Variants in AUTS2 observed in about 807,000 individuals in gnomAD.
AUTS2 encodes the protein activator of transcription and developmental regulator AUTS2, also known as autism susceptibility gene 2 protein.
In AUTS2, 17 loss-of-function variants were observed where a neutral mutation model predicts 112.4. That is an observed-to-expected ratio of 0.15 (90% confidence interval 0.10 to 0.23). The LOEUF is 0.23. Among genes scored for constraint, AUTS2 ranks in the 10% least tolerant of loss-of-function variants. The pLI is 1.00. For missense variants in AUTS2, 1,510 were observed against 1,701.6 expected, an observed-to-expected ratio of 0.89 and a Z score of 1.98; for synonymous variants, 751 against 702.7, an observed-to-expected ratio of 1.07 and a Z score of -1.09.
At chr7:69,652,752 T>C (rs1162757047) in intron 1 of AUTS2, among the ~76,000 whole-genome samples, 1 of 152,194 alleles carries the variant, frequency 6.6e-6, no homozygotes, top group Non-Finnish European at 1.5e-5. Flanking sequence ...ATTTAGACCA[T>C]GTAGGTCTGA....
chr7:70,243,271 G>GTGTGTGTA (rs1372929054), intron 4 of AUTS2, among the ~76,000 whole-genome samples: 1 of 145,376 alleles, frequency 6.9e-6, no homozygotes, highest in Non-Finnish European at 1.5e-5. Flanking sequence ...GTGTGTGTGT[G>GTGTGTGTA]TGTGTGTGTA....
At chr7:69,879,323 T>C (rs1793939440) in intron 1 of AUTS2, among the ~76,000 whole-genome samples, 1 of 150,998 alleles carries the variant, frequency 6.6e-6, no homozygotes, top group African/African-American at 2.5e-5. Context: ...TTTTTTTCTT[T>C]TTTTTTTGTA....
At chr7:70,005,965 A>G (rs1488933811) in intron 2 of AUTS2, among the ~76,000 whole-genome samples, 1 of 152,188 alleles carries the variant, frequency 6.6e-6, no homozygotes, top group Non-Finnish European at 1.5e-5. Flanking sequence ...TATATTGTGT[A>G]TAATGTTACC....
intron 2 of AUTS2, among the ~76,000 whole-genome samples, chr7:69,996,578 A>C (rs1278805462): frequency 6.6e-6 from 1 of 152,058 alleles, no homozygotes; most frequent in Non-Finnish European, 1.5e-5. Context: ...CCCACTGCCC[A>C]CTGCCAGTAT....
intron 2 of AUTS2, among the ~76,000 whole-genome samples, chr7:70,063,261 GTT>G (rs762616016): frequency 7.2e-6 from 1 of 138,480 alleles, no homozygotes. Context: ...TTTGGGTTTT[GTT>G]TTTTTTTTTT....
chr7:69,694,867 G>A (rs1163062862), intron 1 of AUTS2, among the ~76,000 whole-genome samples: 3 of 152,230 alleles, frequency 2.0e-5, no homozygotes, highest in Non-Finnish European at 2.9e-5. Flanking sequence ...TTTGCAAAAC[G>A]CCAAACGTCT....
At chr7:70,072,392 C>A (rs1802816401) in intron 2 of AUTS2, among the ~76,000 whole-genome samples, 1 of 152,080 alleles carries the variant, frequency 6.6e-6, no homozygotes, top group African/African-American at 2.4e-5. Flanking sequence ...ATGTGTAGGC[C>A]ATTCACAGCT....
At chr7:69,672,864 G>A (rs998268759) in intron 1 of AUTS2, among the ~76,000 whole-genome samples, 2 of 152,200 alleles carry the variant, frequency 1.3e-5, no homozygotes, top group African/African-American at 4.8e-5. Context: ...GTTCTTTGCT[G>A]GAGAGGGCAG....
intron 2 of AUTS2, among the ~76,000 whole-genome samples, chr7:69,967,128 A>G (rs551319196): frequency 6.6e-6 from 1 of 152,290 alleles, no homozygotes; most frequent in African/African-American, 2.4e-5. Context: ...GCGTGGAGAA[A>G]GGTCACCTCC....
chr7:70,453,498 T>C (rs1796613609), intron 5 of AUTS2, among the ~76,000 whole-genome samples: 1 of 152,218 alleles, frequency 6.6e-6, no homozygotes, highest in Non-Finnish European at 1.5e-5. Flanking sequence ...TAATGAATTA[T>C]CACAAACTTG....
At chr7:69,833,726 C>T (rs890877105) in intron 1 of AUTS2, among the ~76,000 whole-genome samples, 1 of 152,128 alleles carries the variant, frequency 6.6e-6, no homozygotes, top group African/African-American at 2.4e-5. Context: ...TAAGCCACTG[C>T]GCCCGGCAAT....
Position 70,491,437 on chromosome 7 carries a change from C to T in AUTS2, c.690+55656C>T, listed in dbSNP as rs116900433. ...GTGTGTATACACACACACACACACA[C>T]ATATATACACATAATATATATGTTA... On this transcript the variant is annotated intron_variant, in intron 5 of 18. Coordinates refer to ENST00000342771, the MANE Select transcript of AUTS2 (RefSeq NM_015570.4). Among the ~76,000 whole-genome samples, 865 of 110,042 alleles carry T rather than the reference C, an allele frequency of 7.9e-3. 13 individuals carry two copies. The highest frequency in any genetic ancestry group is 0.035 in the African/African-American group (818 of 23,690). The allele number at this position is 110,042 out of a possible 152,430, so 72.2% of individuals were successfully genotyped here.
chr7:70,059,567 GA>G (rs1255654342), intron 2 of AUTS2, among the ~76,000 whole-genome samples: 5 of 152,076 alleles, frequency 3.3e-5, no homozygotes, highest in African/African-American at 1.2e-4. Flanking sequence ...TATGAGAATC[GA>G]GGATCTGGAA....
chr7:69,955,329 T>C (rs558488444), intron 2 of AUTS2, among the ~76,000 whole-genome samples: 2 of 152,168 alleles, frequency 1.3e-5, no homozygotes, highest in African/African-American at 4.8e-5. Flanking sequence ...CCTTCTCCTA[T>C]GCTTATCTTT....
chr7:70,553,760 C>CTTTTTTTTTTTTTT (rs71531706), intron 5 of AUTS2, among the ~76,000 whole-genome samples: 1 of 56,116 alleles, frequency 1.8e-5, no homozygotes, highest in Non-Finnish European at 3.1e-5. Flanking sequence ...GCCTTTCTTT[C>CTTTTTTTTTTTTTT]TTTTTTTTTT....
chr7:70,602,041 G>GGCAGGT (rs962100220), intron 5 of AUTS2, among the ~76,000 whole-genome samples: 179 of 152,128 alleles, frequency 1.2e-3, no homozygotes, highest in African/African-American at 4.1e-3. Flanking sequence ...AACCCCCCAG[G>GGCAGGT]GCAGGTGCCT....
intron 2 of AUTS2, among the ~76,000 whole-genome samples, chr7:70,114,196 G>A (rs901066423): frequency 1.4e-4 from 21 of 152,186 alleles, no homozygotes; most frequent in African/African-American, 4.6e-4. Context: ...TCTCACAACA[G>A]AGAGTGGGTT....
intron 6 of AUTS2, among the ~76,000 whole-genome samples, chr7:70,725,295 G>A (rs1786961539): frequency 6.6e-6 from 1 of 152,180 alleles, no homozygotes; most frequent in Non-Finnish European, 1.5e-5. Flanking sequence ...CACCCTGAAA[G>A]CCTGTTTGAA....
chr7:70,382,986 A>T (rs1793438849), intron 4 of AUTS2, among the ~76,000 whole-genome samples: 1 of 152,202 alleles, frequency 6.6e-6, no homozygotes, highest in Admixed American at 6.5e-5. Flanking sequence ...TACACAATTT[A>T]TGAAGTCTAT....
Sources: gnomAD v4.1 joint callset for allele counts (sites outside exome capture counted in the v4.1 genomes callset) on GRCh38, gnomAD v4.1.1 for gene constraint, MANE v1.5 for transcripts, NCBI Gene and HGNC (gene_info 2026-07-23, HGNC 2026-07-21) for gene names.